Variants in RAB8B observed in about 807,000 individuals in gnomAD.
RAB8B encodes the protein RAB8B, member RAS oncogene family, also known as ras-related protein Rab-8B.
Under a neutral mutation model 32.0 loss-of-function variants are expected in RAB8B, and 11 were observed. The observed-to-expected ratio is 0.34, with a 90% confidence interval of 0.22 to 0.57. The LOEUF (loss-of-function observed/expected upper bound fraction) is 0.57. RAB8B is among the 20% of genes least tolerant of loss of function. The pLI is 0.86. For missense variants in RAB8B, 190 were observed against 258.5 expected (o/e 0.73, Z 1.82); for synonymous variants, 103 against 89.6 (o/e 1.15, Z -0.85).
intron 6 of RAB8B, among the ~76,000 whole-genome samples, chr15:63,261,314 A>G (rs760757339): frequency 7.9e-5 from 12 of 152,220 alleles, no homozygotes; most frequent in Admixed American, 2.6e-4. Context: ...ACCCTCATAT[A>G]CTGTGGGTAG....
intron 1 of RAB8B, among the ~76,000 whole-genome samples, chr15:63,191,456 G>A (rs1000046160): frequency 1.3e-5 from 2 of 152,134 alleles, no homozygotes; most frequent in African/African-American, 4.8e-5. Context: ...CAAGTTCTTG[G>A]CAGTCAGTCT....
intron 1 of RAB8B, among the ~76,000 whole-genome samples, chr15:63,230,534 T>G (rs535212323): frequency 1.2e-4 from 19 of 152,288 alleles, no homozygotes; most frequent in African/African-American, 3.8e-4. Flanking sequence ...ACTCCTGACC[T>G]CAGGTGATCC....
chr15:63,198,492 A>G (rs1234542932), intron 1 of RAB8B, among the ~76,000 whole-genome samples: 1 of 152,044 alleles, frequency 6.6e-6, no homozygotes, highest in Admixed American at 6.6e-5. Context: ...TCATGACAGC[A>G]TTGCAGGATT....
At chr15:63,217,737 A>G (rs1010782727) in intron 1 of RAB8B, among the ~76,000 whole-genome samples, 1 of 152,228 alleles carries the variant, frequency 6.6e-6, no homozygotes, top group African/African-American at 2.4e-5. Context: ...AATCTAAACA[A>G]TTTAAAGTAA....
intron 1 of RAB8B, among the ~76,000 whole-genome samples, chr15:63,222,527 G>GATGATA (rs1320582555): frequency 3.3e-5 from 5 of 152,262 alleles, no homozygotes; most frequent in Admixed American, 3.3e-4. Context: ...TGATGATGAT[G>GATGATA]ATGATAATGA....
chr15:63,245,376 A>C (rs751669143), intron 2 of RAB8B, among the ~76,000 whole-genome samples: 16 of 152,252 alleles, frequency 1.1e-4, no homozygotes, highest in African/African-American at 3.9e-4. Flanking sequence ...TGAGAAAAAA[A>C]ATCATGTCAT....
Position 63,264,807 on chromosome 15 carries a change from A to T in RAB8B, c.*1188A>T, listed in dbSNP as rs1334814423. ...GAAAAGTCTTGCCTTTTCATTAGAGAAAACAGGACCAAGGTTTCAGTTTTC... is the reference window on the plus strand; with the variant it reads ...GAAAAGTCTTGCCTTTTCATTAGAGTAAACAGGACCAAGGTTTCAGTTTTC... On this transcript the variant is annotated 3_prime_UTR_variant, in exon 8 of 8. Transcript: ENST00000321437. 6.6e-6 allele frequency: 1 copy of T among 152,408 alleles called. No homozygotes were observed. Among genetic ancestry groups the T allele is most frequent in the Non-Finnish European group, 1.5e-5 (1 of 68,042 alleles). The allele number at this position is 152,408 out of a possible 1,614,324, so 9.4% of individuals were successfully genotyped here.
At chr15:63,232,793 G>C (rs1167891741) in intron 1 of RAB8B, among the ~76,000 whole-genome samples, 1 of 152,002 alleles carries the variant, frequency 6.6e-6, no homozygotes, top group African/African-American at 2.4e-5. Context: ...TAAAATAAAC[G>C]TATTTGGCTG....
chr15:63,258,354 C>T (rs967869979), intron 5 of RAB8B, among the ~76,000 whole-genome samples: 3 of 152,098 alleles, frequency 2.0e-5, no homozygotes, highest in African/African-American at 7.2e-5. Flanking sequence ...CTGCCTGCCT[C>T]GACCTCCCAA....
intron 1 of RAB8B, among the ~76,000 whole-genome samples, chr15:63,195,113 C>T (rs967102059): frequency 3.3e-5 from 5 of 152,156 alleles, no homozygotes; most frequent in African/African-American, 1.2e-4. Flanking sequence ...GTTTCAACTT[C>T]TCAAACAAAA....
In RAB8B at chr15:63,259,524, A is replaced by T; in HGVS notation, c.415-103A>T. The T allele has an allele frequency of 2.1e-6, 2 of 963,038 alleles. No homozygotes were observed. The highest frequency in any genetic ancestry group is 3.2e-6 in the Non-Finnish European group (2 of 631,414). 59.7% of individuals were successfully genotyped at this position (963,038 alleles called of 1,614,324 possible). Reference sequence around the variant, plus strand: ...ATTTGAGAACCACAGGAGTTCTGAAATAGATACCCTACCTTTGAGACTTTG... The same window carrying T: ...ATTTGAGAACCACAGGAGTTCTGAATTAGATACCCTACCTTTGAGACTTTG... On this transcript the variant is annotated intron_variant, in intron 5 of 7. Coordinates refer to ENST00000321437, the MANE Select transcript of RAB8B (RefSeq NM_016530.3). The surrounding 1 kb of genome is among the most constrained non-coding windows in gnomAD (Gnocchi z 4.4).
Position 63,259,710 on chromosome 15 carries a change from G to A in RAB8B, c.480+18G>A. Reference sequence around the variant, plus strand: ...TAGAAGAGGTAAGAAGGAAACGTTTGGTGACTGTTACGGAGCAGCACCAGT... The same window carrying A: ...TAGAAGAGGTAAGAAGGAAACGTTTAGTGACTGTTACGGAGCAGCACCAGT... On this transcript the variant is annotated intron_variant, in intron 6 of 7. Transcript: ENST00000321437. This position sits in a 1 kb window ranked among gnomAD's most constrained non-coding sequence, Gnocchi z 4.4. The A allele has an allele frequency of 6.2e-7, 1 of 1,610,612 alleles. No individual in the cohort carries two copies. Among genetic ancestry groups the A allele is most frequent in the Non-Finnish European group, 8.5e-7 (1 of 1,176,860 alleles).
At chr15:63,198,359 C>T (rs775767668) in intron 1 of RAB8B, among the ~76,000 whole-genome samples, 4 of 152,064 alleles carry the variant, frequency 2.6e-5, no homozygotes, top group Admixed American at 1.3e-4. Flanking sequence ...TCTCATCTTC[C>T]TCAGCCCAGA....
intron 1 of RAB8B, among the ~76,000 whole-genome samples, chr15:63,194,903 G>A (rs1322580129): frequency 6.6e-6 from 1 of 152,214 alleles, no homozygotes; most frequent in Non-Finnish European, 1.5e-5. Flanking sequence ...CTGGTTCTTT[G>A]TAGAAAGTTT....
chr15:63,214,543 C>T (rs979740428), intron 1 of RAB8B, among the ~76,000 whole-genome samples: 1 of 151,986 alleles, frequency 6.6e-6, no homozygotes, highest in African/African-American at 2.4e-5. Context: ...CTGCCCACCA[C>T]GGCTTCTCAC....
chr15:63,203,457 A>G (rs1444453331), intron 1 of RAB8B, among the ~76,000 whole-genome samples: 1 of 152,220 alleles, frequency 6.6e-6, no homozygotes, highest in Non-Finnish European at 1.5e-5. Flanking sequence ...TACTGTGTGT[A>G]TGATGTGTTT....
At chr15:63,195,540 G>A (rs1260437889) in intron 1 of RAB8B, among the ~76,000 whole-genome samples, 1 of 152,222 alleles carries the variant, frequency 6.6e-6, no homozygotes. Flanking sequence ...TTGTTTTAGA[G>A]GTAAATAAGT....
chr15:63,196,460 C>G (rs1397568221), intron 1 of RAB8B, among the ~76,000 whole-genome samples: 1 of 152,182 alleles, frequency 6.6e-6, no homozygotes, highest in African/African-American at 2.4e-5. Context: ...TTTGGGGAGT[C>G]AGTTATCCTT....
chr15:63,200,000 G>C (rs1166404745), intron 1 of RAB8B, among the ~76,000 whole-genome samples: 1 of 152,208 alleles, frequency 6.6e-6, no homozygotes, highest in Non-Finnish European at 1.5e-5. Flanking sequence ...ACGTAGGGCT[G>C]TGACAAACAA....
Sources: gnomAD v4.1 joint callset for allele counts (sites outside exome capture counted in the v4.1 genomes callset) on GRCh38, gnomAD v4.1.1 for gene constraint, Gnocchi (gnomAD v3.1) non-coding constraint, MANE v1.5 for transcripts, NCBI Gene and HGNC (gene_info 2026-07-23, HGNC 2026-07-21) for gene names.